The following EPHA6 variants were observed in gnomAD, a reference collection of about 807,000 sequenced individuals.
EPHA6 encodes EPH receptor A6.
EPHA6 carries 50 observed loss-of-function variants against 112.0 expected under a neutral mutation model. The observed-to-expected ratio is 0.45, with a 90% CI of 0.36 to 0.56. The LOEUF (loss-of-function observed/expected upper bound fraction) is 0.56. Ranked by LOEUF, EPHA6 falls within the 20% of genes least tolerant of loss-of-function variation. EPHA6 has a pLI of 0.00. For missense variants in EPHA6, 1,280 were observed against 1,417.4 expected (o/e 0.90, Z 1.56); for synonymous variants, 529 against 490.7 (o/e 1.08, Z -1.03).
At chr3:97,162,771 T>C (rs1373930554) in intron 3 of EPHA6, among the ~76,000 whole-genome samples, 1 of 152,156 alleles carries the variant, frequency 6.6e-6, no homozygotes, top group African/African-American at 2.4e-5. Flanking sequence ...TGGGAATTGA[T>C]TGAGAGAGCA....
At chr3:97,149,709 A>C (rs917329429) in intron 3 of EPHA6, among the ~76,000 whole-genome samples, 3 of 151,868 alleles carry the variant, frequency 2.0e-5, no homozygotes, top group Non-Finnish European at 4.4e-5. Context: ...GAAATATGTA[A>C]AAGTAAAATC....
chr3:97,707,558 G>A (rs999469016), intron 14 of EPHA6, among the ~76,000 whole-genome samples: 3 of 152,208 alleles, frequency 2.0e-5, no homozygotes, highest in African/African-American at 7.2e-5. Context: ...ATAATGGAAT[G>A]AAGAATAAAG....
At chr3:97,142,868 G>T (rs1236648813) in intron 3 of EPHA6, among the ~76,000 whole-genome samples, 1 of 151,830 alleles carries the variant, frequency 6.6e-6, no homozygotes, top group Non-Finnish European at 1.5e-5. Flanking sequence ...AACTCACAGA[G>T]AACATCATAC....
chr3:97,259,543 A>T (rs933147561), intron 5 of EPHA6, among the ~76,000 whole-genome samples: 1 of 152,136 alleles, frequency 6.6e-6, no homozygotes, highest in South Asian at 2.1e-4. Context: ...ATTTTTCTCA[A>T]TGTATTTTAT....
At chr3:97,066,409 T>G (rs191007055) in intron 3 of EPHA6, among the ~76,000 whole-genome samples, 154 of 152,288 alleles carry the variant, frequency 1.0e-3, no homozygotes, top group African/African-American at 3.6e-3. Context: ...TTTTATATAT[T>G]TGAATATGAA....
rs545164292 is a variant in EPHA6 at position 97,505,901 on chromosome 3, C to T, written c.2200+21842C>T. Among the ~76,000 whole-genome samples the T allele has an allele frequency of 4.0e-3, 607 of 152,322 alleles. 3 individuals carry two copies. Among genetic ancestry groups the T allele is most frequent in the Non-Finnish European group, 6.1e-3 (413 of 68,028 alleles). Reference sequence around the variant, plus strand: ...TTCTAACTGGCATGAGATAATATTTCATTGTGGTTTTGATTTGCATTTCTC... The same window carrying T: ...TTCTAACTGGCATGAGATAATATTTTATTGTGGTTTTGATTTGCATTTCTC... On this transcript the variant is annotated intron_variant, in intron 10 of 17. Coordinates refer to ENST00000389672, the MANE Select transcript of EPHA6 (RefSeq NM_001080448.3).
rs180810031 is a variant in EPHA6, at chr3:97,593,139, T to C, written c.2512+402T>C. Among the ~76,000 whole-genome samples the C allele has an allele frequency of 2.8e-4, 43 of 152,120 alleles. 1 individual carries two copies. In the East Asian group the frequency reaches 8.3e-3, roughly 29 times the overall value. On this transcript the variant is annotated intron_variant, in intron 12 of 17. Transcript: ENST00000389672. ...TAATTTCATAGAGTTGATAGAGAAT[T>C]AAAGTATCCTTTCATTACAGAAAAA...
chr3:97,637,728 T>C (rs2093960621), intron 13 of EPHA6, 145 bp from the exon 14 acceptor site: 4 of 617,036 alleles, frequency 6.5e-6, no homozygotes, highest in Non-Finnish European at 1.1e-5. Flanking sequence ...TTATTACTTT[T>C]CCTTATGAAT....
At chr3:97,031,241 A>G (rs1490380346) in intron 3 of EPHA6, among the ~76,000 whole-genome samples, 1 of 152,152 alleles carries the variant, frequency 6.6e-6, no homozygotes, top group Non-Finnish European at 1.5e-5. Flanking sequence ...CTGGCTAGCC[A>G]TAGGTAGAAA....
At chr3:97,307,981 CT>C (rs925169506) in intron 5 of EPHA6, among the ~76,000 whole-genome samples, 50 of 150,690 alleles carry the variant, frequency 3.3e-4, no homozygotes, top group East Asian at 5.8e-4. Context: ...TCCCATCAAC[CT>C]TTTTTTTTGT....
At chr3:97,206,136 T>C (rs1378085692) in intron 3 of EPHA6, among the ~76,000 whole-genome samples, 1 of 152,152 alleles carries the variant, frequency 6.6e-6, no homozygotes, top group Non-Finnish European at 1.5e-5. Flanking sequence ...ATTTTAAGAC[T>C]ATTTTTTAAG....
intron 3 of EPHA6, among the ~76,000 whole-genome samples, chr3:97,203,763 C>T (rs1408918832): frequency 6.6e-6 from 1 of 152,088 alleles, no homozygotes; most frequent in East Asian, 1.9e-4. Context: ...CCTGTCTCCT[C>T]ATTTGTAAAA....
chr3:97,515,621 G>A (rs1392536597), intron 10 of EPHA6, among the ~76,000 whole-genome samples: 1 of 152,106 alleles, frequency 6.6e-6, no homozygotes, highest in Non-Finnish European at 1.5e-5. Flanking sequence ...GAGGCCATCT[G>A]GTAGAGACTG....
intron 1 of EPHA6, among the ~76,000 whole-genome samples, chr3:96,827,419 T>TA (rs151062738): frequency 0.042 from 6,411 of 152,102 alleles, 160 homozygotes; most frequent in Non-Finnish European, 0.068. Flanking sequence ...TTTTTTGAGT[T>TA]AAAAAAATGT....
intron 5 of EPHA6, among the ~76,000 whole-genome samples, chr3:97,335,722 A>C (rs1481793555): frequency 6.6e-6 from 1 of 152,120 alleles, no homozygotes; most frequent in African/African-American, 2.4e-5. Context: ...CCAATTTATC[A>C]AGACAGGAGA....
intron 11 of EPHA6, among the ~76,000 whole-genome samples, chr3:97,552,219 CAT>C (rs1424540377): frequency 2.0e-5 from 3 of 152,150 alleles, no homozygotes; most frequent in African/African-American, 7.2e-5. Flanking sequence ...AATTACATAA[CAT>C]GTAAATGTAC....
intron 16 of EPHA6, among the ~76,000 whole-genome samples, chr3:97,742,823 A>G (rs2035564951): frequency 6.6e-6 from 1 of 152,176 alleles, no homozygotes; most frequent in Non-Finnish European, 1.5e-5. Flanking sequence ...AGGACTTTTT[A>G]AAAATATATG....
At chr3:97,086,915 T>G (rs1391684847) in intron 3 of EPHA6, among the ~76,000 whole-genome samples, 1 of 152,188 alleles carries the variant, frequency 6.6e-6, no homozygotes, top group Non-Finnish European at 1.5e-5. Context: ...TTTTGAGTAA[T>G]TAAATCATAT....
At chr3:96,823,416 T>G (rs975572850) in intron 1 of EPHA6, among the ~76,000 whole-genome samples, 2 of 151,830 alleles carry the variant, frequency 1.3e-5, no homozygotes, top group Non-Finnish European at 3.0e-5. Flanking sequence ...TCAACCATAC[T>G]CTGGCCTAGG....
Sources: gnomAD v4.1 joint callset for allele counts (sites outside exome capture counted in the v4.1 genomes callset) on GRCh38, gnomAD v4.1.1 for gene constraint, MANE v1.5 for transcripts, NCBI Gene and HGNC (gene_info 2026-07-23, HGNC 2026-07-21) for gene names.